SLC8A1: variants seen among roughly 807,000 people sequenced by gnomAD.
The protein encoded by SLC8A1 is sodium/calcium exchanger 1.
Under a neutral mutation model 68.3 loss-of-function variants are expected in SLC8A1, and 18 were observed. The observed-to-expected ratio is 0.26, with a 90% CI of 0.18 to 0.39. The LOEUF (loss-of-function observed/expected upper bound fraction) is 0.39, where lower values mean the gene tolerates loss of function less well. SLC8A1 is among the 10% of genes least tolerant of loss of function. The pLI is 1.00. For missense variants in SLC8A1, 985 were observed against 1,156.7 expected, an observed-to-expected ratio of 0.85 and a Z score of 2.15; for synonymous variants, 475 against 415.5, an observed-to-expected ratio of 1.14 and a Z score of -1.74.
At chr2:40,429,929 G>A (rs1268244648) in exon 2 of SLC8A1, 3 of 1,613,108 alleles carry the variant, frequency 1.9e-6, no homozygotes, top group East Asian at 2.2e-5. Context: ...TCTCCATTGG[G>A]TTTCTTTATG....
chr2:40,256,983 C>A lies in SLC8A1; in HGVS notation c.1809-79128G>T, dbSNP rs190790739. 3.3e-5 allele frequency among the ~76,000 whole-genome samples: 5 copies of A among 151,700 alleles called. No individual in the cohort carries two copies. In the East Asian group the frequency reaches 9.8e-4, roughly 30 times the overall value. On this transcript the variant is annotated intron_variant, in intron 2 of 7. Coordinates refer to ENST00000406785, the Ensembl canonical transcript of SLC8A1. ...GCCCCAAAAGTCTCTGCAGTCTCAT[C>A]TGACAAATTATAAGATTGAGCCTAT...
At chr2:40,194,361 C>A (rs111322803) in intron 2 of SLC8A1, among the ~76,000 whole-genome samples, 2 of 151,386 alleles carry the variant, frequency 1.3e-5, no homozygotes, top group African/African-American at 4.9e-5. Flanking sequence ...AGAATTACAA[C>A]CAAGATGATA....
chr2:40,313,085 TCTC>T (rs2073957485), intron 2 of SLC8A1, among the ~76,000 whole-genome samples: 1 of 152,032 alleles, frequency 6.6e-6, no homozygotes, highest in African/African-American at 2.4e-5. Flanking sequence ...CCCCCAAAGT[TCTC>T]TTCTCTAGCT....
At chr2:40,344,332 G>A (rs1248700257) in intron 2 of SLC8A1, among the ~76,000 whole-genome samples, 1 of 152,186 alleles carries the variant, frequency 6.6e-6, no homozygotes, top group East Asian at 1.9e-4. Context: ...GTCAAGCACT[G>A]GGTCTATGAC....
At chr2:40,142,934 A>ATG in intron 6 of SLC8A1, among the ~76,000 whole-genome samples, 1 of 147,018 alleles carries the variant, frequency 6.8e-6, no homozygotes, top group African/African-American at 2.5e-5. Flanking sequence ...TTAATGCAAA[A>ATG]TGTGTGTGTG....
At chr2:40,456,316 C>CAAAAAAAAAAAA (rs67747641), upstream of SLC8A1, among the ~76,000 whole-genome samples, 1 of 102,450 alleles carries the variant, frequency 9.8e-6, no homozygotes, top group African/African-American at 3.6e-5. Flanking sequence ...GACTCCGTCT[C>CAAAAAAAAAAAA]AAAAAAAAAA....
At chr2:40,484,628 T>G (rs1704839797) in intron 1 of SLC8A1, among the ~76,000 whole-genome samples, 3 of 152,228 alleles carry the variant, frequency 2.0e-5, no homozygotes, top group Admixed American at 2.0e-4. Context: ...GGAACAGTGT[T>G]TGACCTACCT....
intron 2 of SLC8A1, among the ~76,000 whole-genome samples, chr2:40,418,905 G>C (rs1411999152): frequency 1.3e-5 from 2 of 152,054 alleles, no homozygotes; most frequent in Admixed American, 6.6e-5. Flanking sequence ...CTCCTAGAGT[G>C]GACAGCAACA....
intron 2 of SLC8A1, chr2:40,254,992 TTATTTCTC>T (rs1203234989): frequency 2.0e-5 from 3 of 152,168 alleles, no homozygotes; most frequent in African/African-American, 7.2e-5. Flanking sequence ...TGTTTCTAAT[TTATTTCTC>T]TATTTCTTCA....
At chr2:40,138,870 T>C (rs2041030019) in intron 7 of SLC8A1, among the ~76,000 whole-genome samples, 1 of 152,196 alleles carries the variant, frequency 6.6e-6, no homozygotes, top group Admixed American at 6.5e-5. Context: ...CTGTCCACTT[T>C]TGTCAGGATT....
chr2:40,247,417 T>C (rs1026703736), intron 2 of SLC8A1, among the ~76,000 whole-genome samples: 2 of 140,730 alleles, frequency 1.4e-5, no homozygotes, highest in African/African-American at 5.3e-5. Flanking sequence ...AAAGCAACTT[T>C]AGAAAACAGC....
chr2:40,318,112 C>T (rs1011285544), intron 2 of SLC8A1, among the ~76,000 whole-genome samples: 1 of 152,072 alleles, frequency 6.6e-6, no homozygotes, highest in Admixed American at 6.6e-5. Flanking sequence ...TTCTTTCTCT[C>T]TTTACATCTT....
chr2:40,276,981 G>A (rs1454097013), intron 2 of SLC8A1, among the ~76,000 whole-genome samples: 2 of 152,140 alleles, frequency 1.3e-5, no homozygotes, highest in African/African-American at 2.4e-5. Context: ...GAAGGACAAT[G>A]AGATTCTATG....
intron 2 of SLC8A1, among the ~76,000 whole-genome samples, chr2:40,338,329 C>T (rs537507863): frequency 6.6e-6 from 1 of 152,192 alleles, no homozygotes; most frequent in South Asian, 2.1e-4. Flanking sequence ...AAACAAACAA[C>T]AGTGTGTGTG....
In SLC8A1 at chr2:40,451,757, A is replaced by T. The variant is rs985619087; in HGVS notation, c.-25+147T>A. 79 of 153,888 alleles carry T rather than the reference A, an allele frequency of 5.1e-4. No homozygotes were observed. In the East Asian group the frequency reaches 0.013, roughly 25 times the overall value. The allele number at this position is 153,888 out of a possible 1,614,324, so 9.5% of individuals were successfully genotyped here. A position where few individuals can be genotyped will look rare whatever the true frequency, so the allele number is the denominator to read the frequency against. ...CCACATCACACACACACACACACAC[A>T]CACACACACACACACACACACACAC... On this transcript the variant is annotated intron_variant, in intron 1 of 7. Transcript: ENST00000406785.
At chr2:40,496,556 G>C (rs1705715186) in intron 1 of SLC8A1, among the ~76,000 whole-genome samples, 1 of 151,958 alleles carries the variant, frequency 6.6e-6, no homozygotes, top group African/African-American at 2.4e-5. Context: ...GTGCATATTA[G>C]AAGATGAAAT....
exon 8 of SLC8A1, chr2:40,112,288 G>C (rs1289664826): frequency 6.6e-6 from 1 of 152,432 alleles, no homozygotes; most frequent in East Asian, 1.9e-4. Context: ...ATTTGTCTGT[G>C]TCAGTAATAT....
At chr2:40,281,020 C>G (rs1274296447) in intron 2 of SLC8A1, among the ~76,000 whole-genome samples, 3 of 152,196 alleles carry the variant, frequency 2.0e-5, no homozygotes, top group Non-Finnish European at 4.4e-5. Context: ...CAGGCTGATA[C>G]ATCTTTGTAC....
chr2:40,349,316 G>A (rs1477812062), intron 2 of SLC8A1, among the ~76,000 whole-genome samples: 2 of 152,152 alleles, frequency 1.3e-5, no homozygotes, highest in Non-Finnish European at 2.9e-5. Context: ...TTGAATCATG[G>A]TCATTGAGAA....
Sources: gnomAD v4.1 joint callset for allele counts (sites outside exome capture counted in the v4.1 genomes callset) on GRCh38, gnomAD v4.1.1 for gene constraint, MANE v1.5 for transcripts, NCBI Gene and HGNC (gene_info 2026-07-23, HGNC 2026-07-21) for gene names.